Variants in CALCRL observed in about 807,000 individuals in gnomAD.
The protein encoded by CALCRL is calcitonin gene-related peptide type 1 receptor.
CALCRL carries 27 observed loss-of-function variants against 60.4 expected under a neutral mutation model. The ratio of observed to expected loss-of-function variants is 0.45; its 90% CI spans 0.33 to 0.62. The LOEUF is 0.62. CALCRL is among the 20% of genes least tolerant of loss of function. The pLI is 0.03. For synonymous variants in CALCRL, 190 were observed against 182.6 expected (o/e 1.04, Z -0.33); for missense variants, 424 against 540.7 (o/e 0.78, Z 2.14).
chr2:187,357,215 T>C (rs1686833038), intron 12 of CALCRL, among the ~76,000 whole-genome samples: 2 of 152,016 alleles, frequency 1.3e-5, no homozygotes, highest in Non-Finnish European at 2.9e-5. Context: ...TATGTTTTCT[T>C]GCAGCACTAT....
chr2:187,417,547 T>C (rs1689669252), intron 1 of CALCRL, among the ~76,000 whole-genome samples: 3 of 152,120 alleles, frequency 2.0e-5, no homozygotes, highest in Non-Finnish European at 4.4e-5. Context: ...TTAATAATTT[T>C]TAAAACAATT....
intron 12 of CALCRL, among the ~76,000 whole-genome samples, chr2:187,354,315 G>A (rs1040003673): frequency 4.6e-5 from 7 of 151,994 alleles, no homozygotes; most frequent in African/African-American, 1.7e-4. Context: ...GTTTCTGGAA[G>A]TCATTCCCAG....
chr2:187,418,851 C>T (rs1486550469), intron 1 of CALCRL, among the ~76,000 whole-genome samples: 28 of 135,762 alleles, frequency 2.1e-4, no homozygotes, highest in African/African-American at 1.9e-4. Context: ...GTTTTTTTTT[C>T]TTTTTTTCTT....
At chr2:187,419,210 A>G (rs1000089119) in intron 1 of CALCRL, among the ~76,000 whole-genome samples, 1 of 151,806 alleles carries the variant, frequency 6.6e-6, no homozygotes, top group African/African-American at 2.4e-5. Flanking sequence ...CCCAAATTAT[A>G]TATTTAAGTT....
intron 1 of CALCRL, among the ~76,000 whole-genome samples, chr2:187,397,136 C>G (rs1240064677): frequency 6.6e-6 from 1 of 151,594 alleles, no homozygotes; most frequent in African/African-American, 2.4e-5. Flanking sequence ...ACTTATTATA[C>G]CACATTAAAA....
chr2:187,358,916 C>G, intron 12 of CALCRL, 147 bp downstream of exon 12: 1 of 730,214 alleles, frequency 1.4e-6, no homozygotes, highest in East Asian at 2.5e-5. Flanking sequence ...AGATATGATA[C>G]CTTCACTAAA....
chr2:187,416,831 G>A (rs956217073), intron 1 of CALCRL, among the ~76,000 whole-genome samples: 1 of 152,020 alleles, frequency 6.6e-6, no homozygotes, highest in Non-Finnish European at 1.5e-5. Flanking sequence ...TGTTTCTTAT[G>A]TTCATCAATA....
intron 1 of CALCRL, among the ~76,000 whole-genome samples, chr2:187,426,092 G>A (rs1421503971): frequency 6.6e-6 from 1 of 151,150 alleles, no homozygotes; most frequent in Non-Finnish European, 1.5e-5. Context: ...GTGATACCCT[G>A]AAAGAGAGCC....
chr2:187,360,769 AC>A lies in CALCRL; in HGVS notation c.628-19del, dbSNP rs776910091. 6.3e-7 allele frequency: 1 copy of A among 1,582,458 alleles called. No homozygotes were observed. Among genetic ancestry groups the A allele is most frequent in the Non-Finnish European group, 8.6e-7 (1 of 1,169,346 alleles). On this transcript the variant is annotated intron_variant, in intron 9 of 14. Coordinates refer to ENST00000392370, the MANE Select transcript of CALCRL (RefSeq NM_005795.6). ...CAACTAACCTGTGAGGAAAAAAAAA[AC>A]CCCAATATTTACTTGTTTATGAATT... is the stretch of plus-strand genomic sequence containing the variant.
rs79017503 is a variant in CALCRL at position 187,399,875 on chromosome 2, C to G, written c.-292-12119G>C. Among the ~76,000 whole-genome samples, 1,545 of 151,414 alleles carry G rather than the reference C, an allele frequency of 0.01. 62 individuals are homozygous for G. The East Asian group carries it at 0.13, about 12-fold the overall frequency. ...AAGATGAATACTGTATGTTCTCACT[C>G]ATATGAAGAAGATAAAAAGTTGATC... On this transcript the variant is annotated intron_variant, in intron 1 of 14. Transcript: ENST00000392370.
chr2:187,346,443 A>C, intron 14 of CALCRL, 44 bp from the exon 15 acceptor site: 2 of 1,387,774 alleles, frequency 1.4e-6, no homozygotes, highest in Non-Finnish European at 2.0e-6. Context: ...ACAACCCATT[A>C]ATTGAAATGA....
intron 1 of CALCRL, among the ~76,000 whole-genome samples, chr2:187,405,025 T>G (rs1689057274): frequency 1.3e-5 from 2 of 151,968 alleles, no homozygotes; most frequent in Admixed American, 6.6e-5. Context: ...CTAACTGGAA[T>G]GCAGGCAGAA....
chr2:187,387,613 T>A (rs549608558), intron 2 of CALCRL, 53 bp downstream of exon 2: 1 of 391,394 alleles, frequency 2.6e-6, no homozygotes, highest in Non-Finnish European at 4.5e-6. Flanking sequence ...TAAGTTAATA[T>A]TTTAGTTTTT....
At chr2:187,359,410 A>G (rs1026133175) in intron 10 of CALCRL, 138 bp from the exon 11 acceptor site, 112 of 605,936 alleles carry the variant, frequency 1.8e-4, no homozygotes, top group South Asian at 6.6e-4. Context: ...TTGAATAAAC[A>G]TTATTTGTAT....
At chr2:187,349,967 TA>T (rs368472047) in intron 14 of CALCRL, among the ~76,000 whole-genome samples, 50 of 151,832 alleles carry the variant, frequency 3.3e-4, no homozygotes, top group East Asian at 3.1e-3. Flanking sequence ...TTATCTTTCT[TA>T]GCTTGTATTT....
chr2:187,445,082 A>C (rs1212489516), intron 1 of CALCRL, among the ~76,000 whole-genome samples: 6 of 151,728 alleles, frequency 4.0e-5, no homozygotes, highest in Middle Eastern at 6.8e-3. Flanking sequence ...TAGTTTACCC[A>C]TGGATTTGAA....
At chr2:187,356,034 A>T (rs1212258116) in intron 12 of CALCRL, among the ~76,000 whole-genome samples, 1 of 152,158 alleles carries the variant, frequency 6.6e-6, no homozygotes, top group Non-Finnish European at 1.5e-5. Context: ...TTCCATGCTC[A>T]TACATAGAAG....
At chr2:187,415,629 C>T (rs2105859109) in intron 1 of CALCRL, 2 of 616,378 alleles carry the variant, frequency 3.2e-6, no homozygotes, top group Admixed American at 2.1e-5. Context: ...AGGTGGTGAA[C>T]CAGGCATCGG....
Position 187,407,760 on chromosome 2 carries a change from CAT to C in CALCRL, c.-292-20006_-292-20005del, listed in dbSNP as rs369028273. Among the ~76,000 whole-genome samples the C allele has an allele frequency of 2.2e-4, 34 of 152,114 alleles. No homozygotes were observed. In the East Asian group the frequency reaches 6.6e-3, roughly 29 times the overall value. ...TAGCAACAAGTACATATTTAGGTAACATATTGCATTTAAAAAATTCAAATAGC... is the reference window on the plus strand; with the variant it reads ...TAGCAACAAGTACATATTTAGGTAACATTGCATTTAAAAAATTCAAATAGC... On this transcript the variant is annotated intron_variant, in intron 1 of 14. Coordinates refer to ENST00000392370, the MANE Select transcript of CALCRL (RefSeq NM_005795.6).
Sources: allele counts gnomAD v4.1 joint callset (sites outside exome capture counted in the v4.1 genomes callset), GRCh38; gene constraint gnomAD v4.1.1; transcripts MANE v1.5; gene names NCBI Gene and HGNC (gene_info 2026-07-23, HGNC 2026-07-21).